Variants in ARHGAP45 observed in about 807,000 individuals in gnomAD.
ARHGAP45 encodes rho GTPase-activating protein 45.
In ARHGAP45, 56 loss-of-function variants were observed where a neutral mutation model predicts 116.1. That is an observed-to-expected ratio of 0.48 (90% CI 0.39 to 0.60). The LOEUF is 0.60. Ranked by LOEUF, ARHGAP45 falls within the 20% of genes least tolerant of loss-of-function variation. The pLI, the probability that ARHGAP45 is intolerant of heterozygous loss-of-function variation, is 0.00. For missense variants in ARHGAP45, 1,622 were observed against 1,601.0 expected (o/e 1.01, Z -0.22); for synonymous variants, 866 against 701.7 (o/e 1.23, Z -3.70).
Position 1,080,460 on chromosome 19 carries a change from C to T in ARHGAP45, c.1829-4C>T. The T allele has an allele frequency of 6.2e-7, 1 of 1,612,696 alleles. No individual in the cohort carries two copies. The highest frequency in any genetic ancestry group is 2.2e-5 in the East Asian group (1 of 44,876). ...CCCTTCACCAGAGACGCCTCTTTCTCCAGCCGGGCGAGGACACCAGGTTCA... is the reference window on the plus strand; with the variant it reads ...CCCTTCACCAGAGACGCCTCTTTCTTCAGCCGGGCGAGGACACCAGGTTCA... On this transcript the variant is annotated splice_region_variant and splice_polypyrimidine_tract_variant and intron_variant, in intron 14 of 22. Coordinates refer to ENST00000313093, the MANE Select transcript of ARHGAP45 (RefSeq NM_012292.5).
chr19:1,070,729 CCGGCTCCGCCTCCCAAA>C, intron 2 of ARHGAP45, among the ~76,000 whole-genome samples: 1 of 152,024 alleles, frequency 6.6e-6, no homozygotes, highest in Admixed American at 6.6e-5. Flanking sequence ...AACCGTTCTC[CCGGCTCCGCCTCCCAAA>C]GTGCTGGGAT....
rs991595305 is a variant in ARHGAP45 at position 1,069,605 on chromosome 19, G to A, written c.421+861G>A. 2.0e-5 allele frequency among the ~76,000 whole-genome samples: 3 copies of A among 152,198 alleles called. No individual in the cohort carries two copies. Among genetic ancestry groups the A allele is most frequent in the Non-Finnish European group, 4.4e-5 (3 of 68,032 alleles). On this transcript the variant is annotated intron_variant, in intron 2 of 22. Transcript: ENST00000313093. This position sits in a 1 kb window ranked among gnomAD's most constrained non-coding sequence, Gnocchi z 4.1. The stretch of plus-strand genomic sequence containing the variant: ...GGTGGAGTGGCCTCTGCACCTTCAG[G>A]GCACTAGTTGGGGAAGGCCCGGTCC...
At position 1,079,788 on chromosome 19, in the gene ARHGAP45, C is replaced by T. The variant is rs1167712073; in HGVS notation, c.1460C>T (p.Ala487Val). Residue 487 changes from alanine to valine, a missense_variant, in exon 12 of 23, where the codon GCG becomes GTG. This residue lies in a region of ARHGAP45 where 1,334 missense variants were observed against 1,263.8 expected (regional missense o/e 1.06). Transcript: ENST00000313093. ...KQELEDTKVT[A>V]LRQIQEVIRQ... ...GAGCTGGAGGATACCAAGGTGACGGCGCTGCGGCAGATCCAGGAGGTCATC... is the reference window on the plus strand; with the variant it reads ...GAGCTGGAGGATACCAAGGTGACGGTGCTGCGGCAGATCCAGGAGGTCATC... The T allele has an allele frequency of 1.2e-5, 19 of 1,610,982 alleles. No homozygotes were observed. Among genetic ancestry groups the T allele is most frequent in the South Asian group, 2.2e-5 (2 of 91,028 alleles).
At chr19:1,066,870 C>T (rs575124947), upstream of ARHGAP45, among the ~76,000 whole-genome samples, 3 of 152,264 alleles carry the variant, frequency 2.0e-5, no homozygotes, top group East Asian at 1.9e-4. Flanking sequence ...TGCAGGGGCG[C>T]AGCTTCGGCC....
At chr19:1,073,906 G>A in intron 5 of ARHGAP45, 42 bp from the exon 6 acceptor site, 1 of 1,531,808 alleles carries the variant, frequency 6.5e-7, no homozygotes. Flanking sequence ...ACTGCCCAGG[G>A]CCCCGCATGG....
chr19:1,078,335 G>C (rs555916118), intron 11 of ARHGAP45, among the ~76,000 whole-genome samples: 4 of 151,906 alleles, frequency 2.6e-5, no homozygotes, highest in Non-Finnish European at 5.9e-5. Context: ...AGTAGAGACG[G>C]GGTTTCACTG....
At chr19:1,075,575 G>A (rs1461644047) in intron 10 of ARHGAP45, among the ~76,000 whole-genome samples, 3 of 151,922 alleles carry the variant, frequency 2.0e-5, no homozygotes, top group Non-Finnish European at 2.9e-5. Context: ...TTCCCACTTC[G>A]CTTTTGGGTT....
rs776881538 is a variant in ARHGAP45 at position 1,078,019 on chromosome 19, C to T, written c.1348C>T (p.Arg450Trp). The T allele has an allele frequency of 9.0e-6, 14 of 1,552,952 alleles. No individual in the cohort carries two copies. Among genetic ancestry groups the T allele is most frequent in the South Asian group, 1.2e-5 (1 of 84,264 alleles). Residue 450 changes from arginine to tryptophan, a missense_variant, in exon 11 of 23, where the codon CGG becomes TGG. Coordinates refer to ENST00000313093, the MANE Select transcript of ARHGAP45 (RefSeq NM_012292.5). Reference protein sequence around the residue: ...TATKTLDKRRRLEEEAKNKAE... With the variant: ...TATKTLDKRRWLEEEAKNKAE... ...CACCAAGACCCTGGACAAGCGGCGGCGGCTGGAGGAGGAGGCCAAGAACAA... is the reference window on the plus strand; with the variant it reads ...CACCAAGACCCTGGACAAGCGGCGGTGGCTGGAGGAGGAGGCCAAGAACAA...
At chr19:1,081,466 C>A (rs1192462027) in intron 17 of ARHGAP45, 84 bp from the exon 18 acceptor site, 1 of 1,335,840 alleles carries the variant, frequency 7.5e-7, no homozygotes, top group African/African-American at 1.5e-5. Context: ...CTGTGAGCGC[C>A]CCGGGGAGGT....
chr19:1,072,193 C>T (rs935769715), intron 2 of ARHGAP45, among the ~76,000 whole-genome samples: 1 of 152,088 alleles, frequency 6.6e-6, no homozygotes, highest in African/African-American at 2.4e-5. Flanking sequence ...TCCCGAGTAG[C>T]CGGCATTACA....
At position 1,074,095 on chromosome 19, in the gene ARHGAP45, T is replaced by C; in HGVS notation, c.791-9T>C. ...CGGGCCAGGCTGAGCAGGCCCCCGT[T>C]CCCTGCAGGCTGCCTGCCCGCCGAG... is the stretch of plus-strand genomic sequence containing the variant. On this transcript the variant is annotated splice_polypyrimidine_tract_variant and intron_variant, in intron 6 of 22. Coordinates refer to ENST00000313093, the MANE Select transcript of ARHGAP45 (RefSeq NM_012292.5). The C allele has an allele frequency of 6.2e-7, 1 of 1,611,106 alleles. No homozygotes were observed. The highest frequency in any genetic ancestry group is 1.3e-5 in the African/African-American group (1 of 75,020).
At position 1,081,623 on chromosome 19, in the gene ARHGAP45, G is replaced by C; in HGVS notation, c.2264G>C (p.Arg755Pro). Residue 755 changes from arginine (R) to proline (P), a missense_variant, in exon 18 of 23, where the codon CGC becomes CCC. Around this residue, in one of 3 missense-constraint regions of ARHGAP45, gnomAD observed 1,334 missense variants for 1,263.8 expected, o/e 1.06. Coordinates refer to ENST00000313093, the MANE Select transcript of ARHGAP45 (RefSeq NM_012292.5). ...TGCGGGCACAAGAAGCTGCAAGGCC[G>C]CCTGCAGCTGTTCGGCCAGGACTTC... is the stretch of plus-strand genomic sequence containing the variant. ...IQCGHKKLQG[R>P]LQLFGQDFSH... 6.4e-7 allele frequency: 1 copy of C among 1,564,958 alleles called. No individual in the cohort carries two copies. Among genetic ancestry groups the C allele is most frequent in the Non-Finnish European group, 8.7e-7 (1 of 1,154,822 alleles).
intron 2 of ARHGAP45, among the ~76,000 whole-genome samples, chr19:1,070,327 TTC>T (rs1368913744): frequency 7.6e-4 from 106 of 139,286 alleles, no homozygotes; most frequent in African/African-American, 2.9e-3. Context: ...TTCTTTTCTT[TTC>T]TTTTTTTTTT....
chr19:1,067,361 G>A lies in ARHGAP45; in HGVS notation c.-45G>A, dbSNP rs1448983915. On this transcript the variant is annotated 5_prime_UTR_variant, in exon 1 of 23. It removes the in-frame stop codon of an upstream open reading frame in the 5' UTR. Transcript: ENST00000313093. ...GGCCAGCGCCGGGAGCTGCAGCGCTGAGACCCCCAGCCCGCCCCCTCGGGC... is the reference window on the plus strand; with the variant it reads ...GGCCAGCGCCGGGAGCTGCAGCGCTAAGACCCCCAGCCCGCCCCCTCGGGC... 6.6e-7 allele frequency: 1 copy of A among 1,518,238 alleles called. No homozygotes were observed. The allele number at this position is 1,518,238 out of a possible 1,614,324, so 94.0% of individuals were successfully genotyped here.
At chr19:1,070,763 C>A (rs1015707460) in intron 2 of ARHGAP45, among the ~76,000 whole-genome samples, 1 of 151,958 alleles carries the variant, frequency 6.6e-6, no homozygotes, top group Non-Finnish European at 1.5e-5. Flanking sequence ...GGATAACAGG[C>A]CTGATCCACC....
chr19:1,084,589 A>G (rs2043545864), intron 22 of ARHGAP45, among the ~76,000 whole-genome samples: 1 of 152,170 alleles, frequency 6.6e-6, no homozygotes, highest in African/African-American at 2.4e-5. Flanking sequence ...CAGTAACGTG[A>G]ACGTGGGGCT....
intron 21 of ARHGAP45, among the ~76,000 whole-genome samples, chr19:1,083,867 C>T (rs2043519663): frequency 6.6e-6 from 1 of 152,196 alleles, no homozygotes; most frequent in Non-Finnish European, 1.5e-5. Flanking sequence ...CAGTCTCCCG[C>T]GTAGCTGGGA....
chr19:1,072,818 G>A (rs1568456965), intron 2 of ARHGAP45, among the ~76,000 whole-genome samples: 1 of 152,232 alleles, frequency 6.6e-6, no homozygotes, highest in African/African-American at 2.4e-5. Context: ...AGTTAGGGCA[G>A]GGAAGGAGCC....
Position 1,077,902 on chromosome 19 carries a change from C to G in ARHGAP45, c.1231C>G (p.Gln411Glu). The change falls in exon 11 of 23, where the codon CAG becomes GAG. Residue 411 changes from glutamine (Q) to glutamate (E), a missense_variant. By Grantham distance (29) the Gln-to-Glu change is conservative. Transcript: ENST00000313093. Reference protein sequence around the residue: ...NLRKAKQGYVQRCEDHDKARF... With the variant: ...NLRKAKQGYVERCEDHDKARF... The stretch of plus-strand genomic sequence containing the variant: ...GCGCAAGGCCAAGCAGGGTTACGTG[C>G]AGCGCTGCGAGGACCACGACAAGGC... 6.4e-7 allele frequency: 1 copy of G among 1,554,604 alleles called. No homozygotes were observed. Among genetic ancestry groups the G allele is most frequent in the Non-Finnish European group, 8.7e-7 (1 of 1,148,788 alleles).
Sources: allele counts gnomAD v4.1 joint callset (sites outside exome capture counted in the v4.1 genomes callset), GRCh38; gene constraint gnomAD v4.1.1; regional missense constraint gnomAD v4.1.1; non-coding constraint Gnocchi (gnomAD v3.1); transcripts MANE v1.5; gene names NCBI Gene and HGNC (gene_info 2026-07-23, HGNC 2026-07-21).